The following ABCA5 variants were observed in gnomAD, a reference collection of about 807,000 sequenced individuals.
ABCA5 encodes the protein cholesterol transporter ABCA5.
ABCA5 carries 163 observed loss-of-function variants against 206.0 expected under a neutral mutation model. That is an observed-to-expected ratio of 0.79 (90% CI 0.70 to 0.90). The LOEUF is 0.90. Ranked by LOEUF, ABCA5 falls within the 40% of genes least tolerant of loss-of-function variation. ABCA5 has a pLI of 0.00. For missense variants in ABCA5, 1,859 were observed against 1,912.9 expected (o/e 0.97, Z 0.53); for synonymous variants, 609 against 613.8 (o/e 0.99, Z 0.11).
At chr17:69,314,255 T>C (rs1490894575) in intron 2 of ABCA5, 59 bp downstream of exon 2, 4 of 999,250 alleles carry the variant, frequency 4.0e-6, no homozygotes, top group Admixed American at 4.6e-5. Context: ...CACTTCAAGA[T>C]AGAATATATC....
chr17:69,270,775 T>C (rs773651220), intron 21 of ABCA5, 25 bp from the exon 22 acceptor site: 12 of 1,515,598 alleles, frequency 7.9e-6, no homozygotes, highest in South Asian at 2.7e-5. Flanking sequence ...AAGACACTTA[T>C]TACATACTGT....
rs1191491752 is a variant in ABCA5, at chr17:69,303,858, A to G, written c.930+811T>C. Reference sequence around the variant, plus strand: ...TATATATACATACATATATATATGTATATATATATATACATATATACATAC... The same window carrying G: ...TATATATACATACATATATATATGTGTATATATATATACATATATACATAC... On this transcript the variant is annotated intron_variant, in intron 7 of 38. Coordinates refer to ENST00000392676, the MANE Select transcript of ABCA5 (RefSeq NM_172232.4). Among the ~76,000 whole-genome samples the G allele has an allele frequency of 1.2e-4, 7 of 58,858 alleles. 1 individual carries two copies. The highest frequency in any genetic ancestry group is 3.6e-4 in the African/African-American group (7 of 19,428). 38.6% of individuals were successfully genotyped at this position (58,858 alleles called of 152,430 possible). A position where few individuals can be genotyped will look rare whatever the true frequency, so the allele number is the denominator to read the frequency against.
intron 24 of ABCA5, among the ~76,000 whole-genome samples, chr17:69,262,921 T>C (rs765382218): frequency 6.6e-6 from 1 of 152,198 alleles, no homozygotes; most frequent in Non-Finnish European, 1.5e-5. Flanking sequence ...TTTTTAATCA[T>C]AGCCATTCTA....
At chr17:69,299,343 G>A (rs1567775275) in intron 9 of ABCA5, among the ~76,000 whole-genome samples, 1 of 152,014 alleles carries the variant, frequency 6.6e-6, no homozygotes, top group Admixed American at 6.6e-5. Context: ...AAGTCATTAT[G>A]TGAAAAATAT....
chr17:69,309,933 T>C (rs1453599951), intron 3 of ABCA5, among the ~76,000 whole-genome samples: 1 of 152,212 alleles, frequency 6.6e-6, no homozygotes, highest in Non-Finnish European at 1.5e-5. Context: ...AGCTGTCATT[T>C]GATTACAGAA....
chr17:69,251,702 A>T (rs191435610), intron 35 of ABCA5, 45 bp downstream of exon 35: 1 of 1,558,388 alleles, frequency 6.4e-7, no homozygotes, highest in Non-Finnish European at 8.6e-7. Context: ...TCAAAATCCA[A>T]CCCCCAACCT....
At chr17:69,260,511 A>G (rs1340162401) in intron 26 of ABCA5, 99 bp from the exon 27 acceptor site, 9 of 789,334 alleles carry the variant, frequency 1.1e-5, no homozygotes, top group Non-Finnish European at 1.6e-5. Flanking sequence ...TGTACTTTCT[A>G]TAATAAGTTA....
Position 69,277,801 on chromosome 17 carries a change from C to A in ABCA5, c.2434G>T (p.Asp812Tyr). Residue 812 changes from aspartate (D) to tyrosine (Y), a missense_variant, in exon 19 of 39, where the codon GAT becomes TAT. Transcript: ENST00000392676. ...FTQQPLEEEMDSKSFDEMEQS... is the reference protein window; with the variant it reads ...FTQQPLEEEMYSKSFDEMEQS... ...TCCATTTCATCAAAAGATTTTGAAT[C>A]CATTTCTTCCTCCAGTGGCTGCTGA... 2 of 1,577,174 alleles carry A rather than the reference C, an allele frequency of 1.3e-6. No individual in the cohort carries two copies. The highest frequency in any genetic ancestry group is 2.3e-5 in the East Asian group (1 of 42,828).
Position 69,308,365 on chromosome 17 carries a change from C to T in ABCA5, c.473G>A (p.Gly158Asp), listed in dbSNP as rs1290294216. The T allele has an allele frequency of 1.2e-6, 2 of 1,608,154 alleles. No homozygotes were observed. Among genetic ancestry groups the T allele is most frequent in the Non-Finnish European group, 1.7e-6 (2 of 1,175,582 alleles). The change falls in exon 5 of 39, where the codon GGC becomes GAC. Residue 158 changes from glycine to aspartate, a missense_variant. Coordinates refer to ENST00000392676, the MANE Select transcript of ABCA5 (RefSeq NM_172232.4). The part of the protein sequence containing the change: ...VSSIYMDSRA[G>D]CSKSCEAAQY... ...AGCAGCCTCACATGATTTTGAACAG[C>T]CAGCTATGGGGGGAAGAATATGAGA...
chr17:69,291,185 A>AT, intron 12 of ABCA5, 31 bp downstream of exon 12: 5 of 1,030,880 alleles, frequency 4.9e-6, no homozygotes, highest in Middle Eastern at 2.4e-4. Flanking sequence ...TATATAATGA[A>AT]GTTTTTTTTT....
In ABCA5 at chr17:69,253,834, T is replaced by C. The variant is rs755489462; in HGVS notation, c.4280A>G (p.Gln1427Arg). Residue 1427 changes from glutamine (Q) to arginine (R), a missense_variant, in exon 33 of 39, where the codon CAG becomes CGG. Coordinates refer to ENST00000392676, the MANE Select transcript of ABCA5 (RefSeq NM_172232.4). ...THALDLKEHL[Q>R]KTVKKLPAGI... ...TGCAGGTAGTTTCTTTACAGTCTTC[T>C]GAAGATGTTCTTTTAAATCAAGTGC... 1 of 1,612,812 alleles carries C rather than the reference T, an allele frequency of 6.2e-7. No homozygotes were observed. Among genetic ancestry groups the C allele is most frequent in the South Asian group, 1.1e-5 (1 of 90,920 alleles).
chr17:69,271,660 C>CACCACTGCTGCTGCTGCT lies in ABCA5; in HGVS notation c.2765-389_2765-372dup, dbSNP rs763360737. Among the ~76,000 whole-genome samples the CACCACTGCTGCTGCTGCT allele has an allele frequency of 4.3e-3, 661 of 151,974 alleles. 4 individuals are homozygous for CACCACTGCTGCTGCTGCT. The highest frequency in any genetic ancestry group is 0.015 in the Admixed American group (236 of 15,272). ...TTTTAGCTGCTGCTGCTGCTGCTGC[C>CACCACTGCTGCTGCTGCT]ACCACTGCTGCTGCTGCTACAACTA... On this transcript the variant is annotated intron_variant, in intron 20 of 38. Coordinates refer to ENST00000392676, the MANE Select transcript of ABCA5 (RefSeq NM_172232.4).
intron 8 of ABCA5, 100 bp downstream of exon 8, chr17:69,302,618 A>AT (rs2075663513): frequency 3.9e-6 from 3 of 767,586 alleles, no homozygotes; most frequent in African/African-American, 3.6e-5. Context: ...TTTTAAAATA[A>AT]TTTTTTTGGT....
intron 9 of ABCA5, among the ~76,000 whole-genome samples, chr17:69,300,086 T>C (rs972718170): frequency 1.3e-5 from 2 of 152,188 alleles, no homozygotes; most frequent in African/African-American, 2.4e-5. Flanking sequence ...TAATATATAA[T>C]GAAACAATTA....
At chr17:69,289,100 TTA>T in intron 14 of ABCA5, 75 bp downstream of exon 14, 1 of 1,418,110 alleles carries the variant, frequency 7.1e-7, no homozygotes, top group South Asian at 1.4e-5. Flanking sequence ...ACATAATGTA[TTA>T]TATCTTTCTA....
chr17:69,253,957 T>C (rs1236728291), intron 32 of ABCA5, 88 bp from the exon 33 acceptor site: 2 of 1,088,962 alleles, frequency 1.8e-6, no homozygotes. Flanking sequence ...TTGTTTTCTC[T>C]AGAATAGTTA....
intron 18 of ABCA5, among the ~76,000 whole-genome samples, chr17:69,280,386 A>T (rs1017273867): frequency 4.0e-5 from 6 of 151,354 alleles, no homozygotes; most frequent in African/African-American, 1.5e-4. Context: ...AGGAAACAAC[A>T]GGTGCTGGAG....
At chr17:69,292,727 AG>A (rs2075542361) in intron 11 of ABCA5, among the ~76,000 whole-genome samples, 1 of 152,198 alleles carries the variant, frequency 6.6e-6, no homozygotes, top group Non-Finnish European at 1.5e-5. Context: ...AGACGTGAAA[AG>A]CACTGTAACC....
At position 69,291,199 on chromosome 17, in the gene ABCA5, T is replaced by G. The variant is rs749967692; in HGVS notation, c.1606+17A>C. 8 of 1,528,302 alleles carry G rather than the reference T, an allele frequency of 5.2e-6. No homozygotes were observed. The East Asian group carries it at 1.6e-4, about 31-fold the overall frequency. The allele number at this position is 1,528,302 out of a possible 1,614,324, so 94.7% of individuals were successfully genotyped here. A position where few individuals can be genotyped will look rare whatever the true frequency, so the allele number is the denominator to read the frequency against. The stretch of plus-strand genomic sequence containing the variant: ...ATATATAATGAAGTTTTTTTTTCTT[T>G]AAGACAGAAAACTCACCATCAGAAG... On this transcript the variant is annotated intron_variant, in intron 12 of 38. Coordinates refer to ENST00000392676, the MANE Select transcript of ABCA5 (RefSeq NM_172232.4).
Sources: gnomAD v4.1 joint callset for allele counts (sites outside exome capture counted in the v4.1 genomes callset) on GRCh38, gnomAD v4.1.1 for gene constraint, MANE v1.5 for transcripts, NCBI Gene and HGNC (gene_info 2026-07-23, HGNC 2026-07-21) for gene names.